TRPM3: variants seen among roughly 807,000 people sequenced by gnomAD.
TRPM3 encodes the protein long transient receptor potential channel 3.
Under a neutral mutation model 181.2 loss-of-function variants are expected in TRPM3, and 77 were observed. That is an observed-to-expected ratio of 0.42 (90% CI 0.35 to 0.51). The LOEUF is 0.51. Among genes scored for constraint, TRPM3 ranks in the 20% least tolerant of loss-of-function variants. The pLI, the probability that TRPM3 is intolerant of heterozygous loss-of-function variation, is 0.01. For missense variants in TRPM3, 1,759 were observed against 2,196.7 expected, an observed-to-expected ratio of 0.80 and a Z score of 3.98; for synonymous variants, 745 against 796.4, an observed-to-expected ratio of 0.94 and a Z score of 1.09.
At chr9:70,621,604 G>C (rs1283783338) in intron 14 of TRPM3, among the ~76,000 whole-genome samples, 1 of 152,096 alleles carries the variant, frequency 6.6e-6, no homozygotes, top group Non-Finnish European at 1.5e-5. Context: ...GGGCTCAAGT[G>C]GTCCTCCCAC....
chr9:71,351,614 T>C (rs1314065908), intron 1 of TRPM3, among the ~76,000 whole-genome samples: 2 of 152,214 alleles, frequency 1.3e-5, no homozygotes, highest in Non-Finnish European at 2.9e-5. Flanking sequence ...AGTAGTAATA[T>C]ATACATAGGT....
At chr9:71,233,449 G>A (rs1226385011) in intron 1 of TRPM3, among the ~76,000 whole-genome samples, 1 of 152,100 alleles carries the variant, frequency 6.6e-6, no homozygotes, top group African/African-American at 2.4e-5. Context: ...TCTTGGTATA[G>A]GTATTGTATG....
At chr9:71,373,975 A>G (rs1238670986) in intron 1 of TRPM3, among the ~76,000 whole-genome samples, 1 of 152,246 alleles carries the variant, frequency 6.6e-6, no homozygotes, top group Non-Finnish European at 1.5e-5. Context: ...TTCAACATAC[A>G]CAAATCAACG....
At chr9:71,038,314 A>G (rs1045999580) in intron 1 of TRPM3, among the ~76,000 whole-genome samples, 2 of 152,240 alleles carry the variant, frequency 1.3e-5, no homozygotes, top group African/African-American at 2.4e-5. Flanking sequence ...GTAACGAAAT[A>G]GAAGTCCAGA....
intron 1 of TRPM3, among the ~76,000 whole-genome samples, chr9:70,875,233 T>C (rs2095850543): frequency 6.6e-6 from 1 of 151,956 alleles, no homozygotes; most frequent in Non-Finnish European, 1.5e-5. Flanking sequence ...TTGGTGATCT[T>C]CAAGGTCAGC....
chr9:71,159,215 G>A (rs1017516054), intron 1 of TRPM3, among the ~76,000 whole-genome samples: 5 of 151,110 alleles, frequency 3.3e-5, no homozygotes, highest in South Asian at 2.1e-4. Flanking sequence ...GGTTCTAATC[G>A]GTTCTTTGGA....
At position 70,570,243 on chromosome 9, in the gene TRPM3, G is replaced by A. The variant is rs527615446; in HGVS notation, c.3224-16933C>T. Among the ~76,000 whole-genome samples, 112 of 125,448 alleles carry A rather than the reference G, an allele frequency of 8.9e-4. 1 individual carries two copies. In the South Asian group the frequency reaches 0.015, roughly 17 times the overall value. The allele number at this position is 125,448 out of a possible 152,430, so 82.3% of individuals were successfully genotyped here. The stretch of plus-strand genomic sequence containing the variant: ...TAATTCAGATTTGGTTTTTTTTTTT[G>A]CTAATTCCAGATTCACTTGGTAGTT... On this transcript the variant is annotated intron_variant, in intron 22 of 25. Transcript: ENST00000677713.
At chr9:70,852,032 TC>T (rs1480820959) in intron 3 of TRPM3, among the ~76,000 whole-genome samples, 1 of 140,030 alleles carries the variant, frequency 7.1e-6, no homozygotes, top group Non-Finnish European at 1.5e-5. Context: ...GGCAGAAGAA[TC>T]ACTTGAACCC....
chr9:70,935,753 G>A (rs1428828320), intron 1 of TRPM3, among the ~76,000 whole-genome samples: 6 of 152,204 alleles, frequency 3.9e-5, no homozygotes, highest in East Asian at 3.9e-4. Context: ...ACAAAATCTT[G>A]TTAATATTTG....
chr9:70,615,777 C>T (rs1224214633), intron 18 of TRPM3, 131 bp downstream of exon 18: 4 of 929,628 alleles, frequency 4.3e-6, no homozygotes, highest in Non-Finnish European at 6.5e-6. Context: ...TGAAAGCACT[C>T]CATGATTAAA....
In TRPM3 at chr9:70,674,285, C is replaced by A. The variant is rs969075732; in HGVS notation, c.1345+7221G>T. ...ATAAGTTAGTTGTTTATGAGAGCTA[C>A]CTGATGCATGGAATTATTGGACATA... On this transcript the variant is annotated intron_variant, in intron 9 of 25. Coordinates refer to ENST00000677713, the MANE Select transcript of TRPM3 (RefSeq NM_001366145.2). 6.2e-4 allele frequency among the ~76,000 whole-genome samples: 95 copies of A among 152,228 alleles called. 3 individuals are homozygous for A. The highest frequency in any genetic ancestry group is 2.2e-3 in the African/African-American group (90 of 41,538).
chr9:71,179,726 A>G (rs1484983790), intron 1 of TRPM3, among the ~76,000 whole-genome samples: 1 of 152,116 alleles, frequency 6.6e-6, no homozygotes. Context: ...TACTTGTCAT[A>G]CCAATCAAAC....
At chr9:70,655,180 C>T (rs765247320) in intron 9 of TRPM3, among the ~76,000 whole-genome samples, 31 of 150,278 alleles carry the variant, frequency 2.1e-4, no homozygotes, top group Admixed American at 3.3e-4. Context: ...GTGGCTCGTG[C>T]CTGTAATCCC....
At chr9:71,265,691 A>AT (rs2083343205) in intron 1 of TRPM3, among the ~76,000 whole-genome samples, 1 of 152,226 alleles carries the variant, frequency 6.6e-6, no homozygotes, top group Non-Finnish European at 1.5e-5. Flanking sequence ...TCATAAGCCT[A>AT]TTATAAGTGT....
rs2095579278 is a variant in TRPM3 at position 70,863,819 on chromosome 9, G to GT, written c.257+612dup. 3.3e-5 allele frequency among the ~76,000 whole-genome samples: 5 copies of GT among 152,042 alleles called. 1 individual carries two copies. In the South Asian group the frequency reaches 1.0e-3, roughly 32 times the overall value. Reference sequence around the variant, plus strand: ...TCCATTGTATAGATGAAATATTGTAGTTTTGAAGGTTAGGTAATTTGCGCA... The same window carrying GT: ...TCCATTGTATAGATGAAATATTGTAGTTTTTGAAGGTTAGGTAATTTGCGCA... On this transcript the variant is annotated intron_variant, in intron 2 of 25. Coordinates refer to ENST00000677713, the MANE Select transcript of TRPM3 (RefSeq NM_001366145.2).
At chr9:70,542,154 G>A (rs1157412803) in intron 25 of TRPM3, among the ~76,000 whole-genome samples, 1 of 152,148 alleles carries the variant, frequency 6.6e-6, no homozygotes, top group Non-Finnish European at 1.5e-5. Flanking sequence ...ATGGGCAGGT[G>A]TCACAGATAT....
intron 4 of TRPM3, among the ~76,000 whole-genome samples, chr9:70,844,110 G>A (rs1331256113): frequency 6.6e-6 from 1 of 152,202 alleles, no homozygotes; most frequent in African/African-American, 2.4e-5. Flanking sequence ...TGTTTGAGAG[G>A]GAAGTTGGAG....
chr9:70,968,072 C>T (rs1421173362), intron 1 of TRPM3, among the ~76,000 whole-genome samples: 1 of 151,994 alleles, frequency 6.6e-6, no homozygotes, highest in Non-Finnish European at 1.5e-5. Context: ...ACTCTTTATC[C>T]TTTTTCCATA....
intron 1 of TRPM3, among the ~76,000 whole-genome samples, chr9:71,088,795 CT>C (rs2065703165): frequency 6.6e-6 from 1 of 151,874 alleles, no homozygotes; most frequent in Admixed American, 6.6e-5. Flanking sequence ...TTGAAAGACT[CT>C]CCATGATCCA....
Sources: allele counts gnomAD v4.1 joint callset (sites outside exome capture counted in the v4.1 genomes callset), GRCh38; gene constraint gnomAD v4.1.1; transcripts MANE v1.5; gene names NCBI Gene and HGNC (gene_info 2026-07-23, HGNC 2026-07-21).